The following PDS5A variants were observed in gnomAD, a reference collection of about 807,000 sequenced individuals.
PDS5A encodes PDS5 cohesin associated factor A, also known as sister chromatid cohesion protein PDS5 homolog A.
Under a neutral mutation model 167.1 loss-of-function variants are expected in PDS5A, and 42 were observed. The ratio of observed to expected loss-of-function variants is 0.25; its 90% CI spans 0.20 to 0.33. The LOEUF is 0.33. Ranked by LOEUF, PDS5A falls within the 10% of genes least tolerant of loss-of-function variation. PDS5A has a pLI of 1.00. For missense variants in PDS5A, 1,033 were observed against 1,605.9 expected, an observed-to-expected ratio of 0.64 and a Z score of 6.10; for synonymous variants, 553 against 554.6, an observed-to-expected ratio of 1.00 and a Z score of 0.04.
intron 23 of PDS5A, among the ~76,000 whole-genome samples, chr4:39,864,983 G>A (rs1719307684): frequency 6.6e-6 from 1 of 152,054 alleles, no homozygotes; most frequent in African/African-American, 2.4e-5. Flanking sequence ...TTATACTCAT[G>A]AATTATGAGT....
chr4:39,836,318 A>G (rs1431075845), intron 32 of PDS5A, among the ~76,000 whole-genome samples: 1 of 152,252 alleles, frequency 6.6e-6, no homozygotes, highest in African/African-American at 2.4e-5. Flanking sequence ...ACTAGTACTC[A>G]GATCAGGTTT....
chr4:39,928,490 C>A (rs1725663033), intron 2 of PDS5A, among the ~76,000 whole-genome samples: 1 of 152,092 alleles, frequency 6.6e-6, no homozygotes, highest in African/African-American at 2.4e-5. Context: ...CAATAACATT[C>A]ATTTGATATT....
At chr4:39,976,799 C>G (rs532330433) in intron 1 of PDS5A, among the ~76,000 whole-genome samples, 182 bp from the exon 2 acceptor site, 124 of 152,324 alleles carry the variant, frequency 8.1e-4, no homozygotes, top group African/African-American at 2.7e-3. Flanking sequence ...CCCGGCCCTG[C>G]CAGCCCCAGG....
intron 30 of PDS5A, among the ~76,000 whole-genome samples, chr4:39,842,937 A>ATATATATATATATATATATATAT (rs1433177642): frequency 7.2e-6 from 1 of 139,732 alleles, no homozygotes; most frequent in African/African-American, 2.8e-5. Context: ...ATATATATAT[A>ATATATATATATATATATATATAT]TTTTAAGAGA....
At chr4:39,947,153 A>G (rs887620504) in intron 2 of PDS5A, among the ~76,000 whole-genome samples, 1 of 152,028 alleles carries the variant, frequency 6.6e-6, no homozygotes, top group African/African-American at 2.4e-5. Flanking sequence ...ATAATCTGAC[A>G]AAGAAATTAA....
At chr4:39,825,748 ACAC>A (rs1715241293) in intron 32 of PDS5A, among the ~76,000 whole-genome samples, 1 of 152,002 alleles carries the variant, frequency 6.6e-6, no homozygotes, top group African/African-American at 2.4e-5. Flanking sequence ...CTATAGGCGC[ACAC>A]CACCATGGCT....
At chr4:39,892,216 A>G (rs1027757681) in intron 16 of PDS5A, among the ~76,000 whole-genome samples, 2 of 152,180 alleles carry the variant, frequency 1.3e-5, no homozygotes, top group Admixed American at 1.3e-4. Flanking sequence ...GAGGTGACGG[A>G]TCGTTTGAGG....
intron 2 of PDS5A, among the ~76,000 whole-genome samples, chr4:39,956,682 T>TA (rs1251339685): frequency 6.6e-6 from 1 of 151,910 alleles, no homozygotes; most frequent in East Asian, 1.9e-4. Flanking sequence ...TCTTACTTTT[T>TA]TTTTTTTGGA....
intron 21 of PDS5A, among the ~76,000 whole-genome samples, chr4:39,871,131 G>A (rs1719989749): frequency 6.6e-6 from 1 of 152,126 alleles, no homozygotes; most frequent in South Asian, 2.1e-4. Flanking sequence ...GTAGAACAGA[G>A]GGCAATGGAG....
intron 2 of PDS5A, among the ~76,000 whole-genome samples, chr4:39,970,515 C>T (rs564718282): frequency 6.6e-6 from 1 of 150,868 alleles, no homozygotes; most frequent in South Asian, 2.1e-4. Context: ...TCACATTTCA[C>T]TGTAATGTCT....
At chr4:39,939,092 G>C (rs1163694919) in intron 2 of PDS5A, among the ~76,000 whole-genome samples, 1 of 151,956 alleles carries the variant, frequency 6.6e-6, no homozygotes, top group East Asian at 1.9e-4. Flanking sequence ...AGCCAGTCAT[G>C]TTGGCCAATA....
chr4:39,839,669 C>T (rs1716766194), intron 31 of PDS5A, among the ~76,000 whole-genome samples: 2 of 145,816 alleles, frequency 1.4e-5, no homozygotes, highest in Non-Finnish European at 3.0e-5. Context: ...ATTTAATGTA[C>T]CCAAGGGTAA....
At position 39,957,621 on chromosome 4, in the gene PDS5A, T is replaced by C. The variant is rs144825283; in HGVS notation, c.138+18819A>G. Among the ~76,000 whole-genome samples, 698 of 151,650 alleles carry C rather than the reference T, an allele frequency of 4.6e-3. 8 individuals carry two copies. Among genetic ancestry groups the C allele is most frequent in the African/African-American group, 0.016 (659 of 41,366 alleles). On this transcript the variant is annotated intron_variant, in intron 2 of 32. Transcript: ENST00000303538. Reference sequence around the variant, plus strand: ...TAACACGGTGAAACCCCATCTCTACTAAAAGTACAAAAAAATTAGCCGGGC... The same window carrying C: ...TAACACGGTGAAACCCCATCTCTACCAAAAGTACAAAAAAATTAGCCGGGC...
rs59445084 is a variant in PDS5A at position 39,949,321 on chromosome 4, A to AAG, written c.139-21158_139-21157insCT. On this transcript the variant is annotated intron_variant, in intron 2 of 32. Coordinates refer to ENST00000303538, the MANE Select transcript of PDS5A (RefSeq NM_001100399.2). ...TATCTCAAAAAAAAAAAAAAAAAAA[A>AAG]GAACTGATGGTATGACTGGGCGAAA... 4.3e-4 allele frequency among the ~76,000 whole-genome samples: 65 copies of AAG among 151,178 alleles called. No individual in the cohort carries two copies. The South Asian group carries it at 0.013, about 31-fold the overall frequency.
intron 2 of PDS5A, among the ~76,000 whole-genome samples, chr4:39,953,352 G>C (rs867320136): frequency 6.6e-6 from 1 of 152,196 alleles, no homozygotes; most frequent in South Asian, 2.1e-4. Flanking sequence ...TAAGGGCAGG[G>C]GGAACTATTT....
intron 13 of PDS5A, among the ~76,000 whole-genome samples, 188 bp downstream of exon 13, chr4:39,902,158 CA>C (rs962868955): frequency 2.0e-5 from 3 of 152,270 alleles, no homozygotes; most frequent in Non-Finnish European, 4.4e-5. Context: ...ACCTGGCTGC[CA>C]AACAAGCCTA....
intron 2 of PDS5A, chr4:39,973,800 T>C (rs1172633949): frequency 2.4e-6 from 3 of 1,248,992 alleles, no homozygotes; most frequent in African/African-American, 1.5e-5. Context: ...CTCCTTCAGG[T>C]TACTTCATGG....
chr4:39,975,409 C>T (rs1730994521), intron 2 of PDS5A, among the ~76,000 whole-genome samples: 1 of 152,150 alleles, frequency 6.6e-6, no homozygotes, highest in Non-Finnish European at 1.5e-5. Flanking sequence ...GAGCAAGAGG[C>T]CAAGCTCATT....
chr4:39,897,920 C>T (rs974465296), intron 16 of PDS5A: 1 of 469,124 alleles, frequency 2.1e-6, no homozygotes, highest in Non-Finnish European at 2.8e-6. Context: ...CTCCTGATAG[C>T]TTTAAGAATA....
Sources: gnomAD v4.1 joint callset for allele counts (sites outside exome capture counted in the v4.1 genomes callset) on GRCh38, gnomAD v4.1.1 for gene constraint, MANE v1.5 for transcripts, NCBI Gene and HGNC (gene_info 2026-07-23, HGNC 2026-07-21) for gene names.